The following ZFHX3 variants were observed in gnomAD, a reference collection of about 807,000 sequenced individuals.
ZFHX3 encodes the protein zinc finger homeobox protein 3.
ZFHX3 carries 42 observed loss-of-function variants against 279.1 expected under a neutral mutation model. The ratio of observed to expected loss-of-function variants is 0.15; its 90% confidence interval spans 0.12 to 0.19. ZFHX3 has a LOEUF of 0.19. Ranked by LOEUF, ZFHX3 falls within the 10% of genes least tolerant of loss-of-function variation. The pLI, the probability that ZFHX3 is intolerant of heterozygous loss-of-function variation, is 1.00. For missense variants in ZFHX3, 4,981 were observed against 4,754.0 expected (o/e 1.05, Z -1.40); for synonymous variants, 2,293 against 1,957.8 (o/e 1.17, Z -4.52).
intron 4 of ZFHX3, among the ~76,000 whole-genome samples, chr16:73,314,295 C>A (rs1270809011): frequency 6.6e-6 from 1 of 152,200 alleles, no homozygotes; most frequent in Non-Finnish European, 1.5e-5. Context: ...GCCAACCCTG[C>A]AAATTTTGGA....
chr16:72,788,402 G>C lies in ZFHX3; in HGVS notation c.9874C>G (p.Gln3292Glu). 6.2e-7 allele frequency: 1 copy of C among 1,614,148 alleles called. No individual in the cohort carries two copies. Reference protein sequence around the residue: ...AVDPAQLQALQAALTSDPTAL... With the variant: ...AVDPAQLQALEAALTSDPTAL... ...GTGGGGTCCGAAGTCAACGCGGCCT[G>C]CAGGGCCTGCAGCTGTGCAGGGTCT... Residue 3292 changes from glutamine to glutamate, a missense_variant, in exon 10 of 10, where the codon CAG (glutamine) becomes GAG (glutamate). By Grantham distance (29) the Gln-to-Glu change is conservative. Transcript: ENST00000268489.
intron 1 of ZFHX3, among the ~76,000 whole-genome samples, chr16:72,975,202 G>A (rs147339514): frequency 0.011 from 1,678 of 152,274 alleles, 36 homozygotes; most frequent in East Asian, 0.098. Flanking sequence ...AGCACTTTGG[G>A]AGGCCGAGGT....
intron 7 of ZFHX3, among the ~76,000 whole-genome samples, chr16:73,122,633 T>C (rs1966514062): frequency 1.3e-5 from 2 of 152,136 alleles, no homozygotes; most frequent in Admixed American, 6.5e-5. Context: ...GGATTCCCTG[T>C]AGACAAACTG....
chr16:73,609,347 C>T (rs1252309549), intron 2 of ZFHX3: 1 of 152,080 alleles, frequency 6.6e-6, no homozygotes, highest in East Asian at 1.9e-4. Context: ...AATAAATGAT[C>T]AAGACAAATT....
At chr16:73,383,897 G>A (rs917352510) in intron 3 of ZFHX3, among the ~76,000 whole-genome samples, 5 of 152,204 alleles carry the variant, frequency 3.3e-5, no homozygotes, top group African/African-American at 1.2e-4. Flanking sequence ...CCAGAAGAAT[G>A]CATGCCTTCC....
In ZFHX3 at chr16:73,754,758, G is replaced by GA. The variant is rs200089304; in HGVS notation, c.-1607-74519dup. Among the ~76,000 whole-genome samples, 6 of 150,008 alleles carry GA rather than the reference G, an allele frequency of 4.0e-5. No homozygotes were observed. In the East Asian group the frequency reaches 5.8e-4, roughly 15 times the overall value. On this transcript the variant is annotated intron_variant, in intron 1 of 17. Transcript: ENST00000641206. ...AGGGAAGACACGAACTTTACATGAA[G>GA]AAAAAAAAAGGAGAGATTAATGACA... is the stretch of plus-strand genomic sequence containing the variant.
At chr16:73,699,336 TA>T (rs1399733785) in intron 1 of ZFHX3, among the ~76,000 whole-genome samples, 1 of 152,176 alleles carries the variant, frequency 6.6e-6, no homozygotes, top group Non-Finnish European at 1.5e-5. Context: ...AAAATAGATA[TA>T]AAATTGAATA....
intron 4 of ZFHX3, among the ~76,000 whole-genome samples, chr16:73,284,655 T>G (rs556347038): frequency 2.4e-4 from 36 of 152,312 alleles, no homozygotes; most frequent in African/African-American, 8.4e-4. Context: ...TTTTTTGTTT[T>G]GTTTTGCTTT....
At chr16:73,102,404 TGAA>T (rs1966243259) in intron 7 of ZFHX3, among the ~76,000 whole-genome samples, 1 of 152,240 alleles carries the variant, frequency 6.6e-6, no homozygotes, top group African/African-American at 2.4e-5. Context: ...CCACTAGGCT[TGAA>T]GCTGCTGGAA....
chr16:73,010,513 C>T (rs1001887505), intron 1 of ZFHX3, among the ~76,000 whole-genome samples: 2 of 152,208 alleles, frequency 1.3e-5, no homozygotes, highest in African/African-American at 2.4e-5. Flanking sequence ...TGCATTAAAG[C>T]GAAAATGCTG....
At chr16:72,809,971 C>T (rs958543197) in intron 7 of ZFHX3, 2 of 151,518 alleles carry the variant, frequency 1.3e-5, no homozygotes, top group African/African-American at 2.4e-5. Context: ...CTCTGCCTCC[C>T]GGGTTCACGC....
At chr16:73,034,877 C>T (rs1225133317) in intron 1 of ZFHX3, among the ~76,000 whole-genome samples, 4 of 152,200 alleles carry the variant, frequency 2.6e-5, no homozygotes, top group African/African-American at 7.2e-5. Context: ...ATGAGCATGT[C>T]GGGGGAGCCA....
chr16:73,279,905 G>A (rs529451261), intron 4 of ZFHX3, among the ~76,000 whole-genome samples: 1 of 152,180 alleles, frequency 6.6e-6, no homozygotes. Flanking sequence ...CGACAGAAAG[G>A]TTTGTGAAAA....
chr16:73,292,909 T>G (rs1394053091), intron 4 of ZFHX3, among the ~76,000 whole-genome samples: 1 of 152,148 alleles, frequency 6.6e-6, no homozygotes, highest in Non-Finnish European at 1.5e-5. Context: ...GGACCTACAT[T>G]TTGAAGAAGG....
intron 3 of ZFHX3, among the ~76,000 whole-genome samples, chr16:72,899,271 G>C (rs1703238854): frequency 1.3e-5 from 2 of 152,126 alleles, no homozygotes; most frequent in Admixed American, 1.3e-4. Context: ...GGAGGTAACT[G>C]AATCATGGGT....
chr16:72,833,203 G>A (rs4788663), intron 4 of ZFHX3, among the ~76,000 whole-genome samples: 4,989 of 152,294 alleles, frequency 0.033, 596 homozygotes, highest in East Asian at 0.28. Flanking sequence ...ATAGCATCCC[G>A]CTTTGAAACA....
intron 3 of ZFHX3, among the ~76,000 whole-genome samples, chr16:73,355,990 C>T (rs1016630784): frequency 1.3e-5 from 2 of 152,178 alleles, no homozygotes; most frequent in Non-Finnish European, 2.9e-5. Flanking sequence ...TTCACGCTGC[C>T]TCTCCAGCAA....
rs949021905 is a variant in ZFHX3, at chr16:72,787,030, CTTT to C, written c.*131_*133del. 40 of 967,804 alleles carry C rather than the reference CTTT, an allele frequency of 4.1e-5. No individual in the cohort carries two copies. Among genetic ancestry groups the C allele is most frequent in the Middle Eastern group, 3.9e-4 (1 of 2,554 alleles). The allele number at this position is 967,804 out of a possible 1,614,324, so 60.0% of individuals were successfully genotyped here. A position where few individuals can be genotyped will look rare whatever the true frequency, so the allele number is the denominator to read the frequency against. ...TATGGGAAAACAACCCACGCTTTTT[CTTT>C]TTTTTCTTTTTTTTTTTTTTTTTGT... is the stretch of plus-strand genomic sequence containing the variant. On this transcript the variant is annotated 3_prime_UTR_variant, in exon 10 of 10. Coordinates refer to ENST00000268489, the MANE Select transcript of ZFHX3 (RefSeq NM_006885.4).
At chr16:73,284,109 G>T (rs527396233) in intron 4 of ZFHX3, among the ~76,000 whole-genome samples, 26 of 152,058 alleles carry the variant, frequency 1.7e-4, no homozygotes, top group African/African-American at 6.3e-4. Context: ...ATGAGGTCAA[G>T]AGTTCAAGAC....
Sources: gnomAD v4.1 joint callset for allele counts (sites outside exome capture counted in the v4.1 genomes callset) on GRCh38, gnomAD v4.1.1 for gene constraint, MANE v1.5 for transcripts, NCBI Gene and HGNC (gene_info 2026-07-23, HGNC 2026-07-21) for gene names.